Variants in PTPRR observed in about 807,000 individuals in gnomAD.
PTPRR encodes protein tyrosine phosphatase receptor type R.
PTPRR carries 38 observed loss-of-function variants against 77.2 expected under a neutral mutation model. The observed-to-expected ratio is 0.49, with a 90% CI of 0.38 to 0.65. The LOEUF (loss-of-function observed/expected upper bound fraction) is 0.65, where lower values mean the gene tolerates loss of function less well. PTPRR is among the 30% of genes least tolerant of loss of function. The pLI, the probability that PTPRR is intolerant of heterozygous loss-of-function variation, is 0.00. For synonymous variants in PTPRR, 299 were observed against 283.1 expected, an observed-to-expected ratio of 1.06 and a Z score of -0.57; for missense variants, 744 against 799.2, an observed-to-expected ratio of 0.93 and a Z score of 0.83.
At chr12:70,784,495 C>T (rs1891279096) in intron 2 of PTPRR, among the ~76,000 whole-genome samples, 1 of 152,150 alleles carries the variant, frequency 6.6e-6, no homozygotes. Flanking sequence ...CCAGAGCTCC[C>T]CCTTGTCCGG....
chr12:70,770,090 T>C (rs1187814550), intron 2 of PTPRR, among the ~76,000 whole-genome samples: 80 of 150,984 alleles, frequency 5.3e-4, no homozygotes, highest in African/African-American at 1.9e-3. Context: ...ATTCAGGACA[T>C]AGGCATGGGC....
intron 10 of PTPRR, chr12:70,673,046 AAAAG>A (rs1479748638): frequency 0.019 from 15,899 of 832,700 alleles, 273 homozygotes; most frequent in South Asian, 0.09. Flanking sequence ...AAAAAAAAAA[AAAAG>A]AAAGAAAGAA....
intron 6 of PTPRR, among the ~76,000 whole-genome samples, 198 bp from the exon 7 acceptor site, chr12:70,701,521 G>A (rs980846220): frequency 1.3e-5 from 2 of 152,116 alleles, no homozygotes; most frequent in Non-Finnish European, 2.9e-5. Flanking sequence ...TTTGTTGTTG[G>A]AAAGAACTCT....
intron 2 of PTPRR, among the ~76,000 whole-genome samples, chr12:70,783,517 TC>T (rs1400934150): frequency 3.3e-5 from 5 of 152,170 alleles, no homozygotes; most frequent in Admixed American, 1.3e-4. Flanking sequence ...CTCTCCCTCT[TC>T]ATCTCTTCAC....
chr12:70,881,620 T>C (rs748316740), intron 2 of PTPRR, among the ~76,000 whole-genome samples: 1 of 152,352 alleles, frequency 6.6e-6, no homozygotes, highest in South Asian at 2.1e-4. Flanking sequence ...TTGACTTTGC[T>C]AGACTCAAAG....
intron 4 of PTPRR, among the ~76,000 whole-genome samples, chr12:70,759,734 C>A (rs1890649709): frequency 9.9e-6 from 1 of 101,422 alleles, no homozygotes; most frequent in Non-Finnish European, 2.1e-5. Flanking sequence ...GATGAAACAA[C>A]ACATACAAAA....
At chr12:70,794,144 A>G (rs1380428459) in intron 2 of PTPRR, among the ~76,000 whole-genome samples, 2 of 152,206 alleles carry the variant, frequency 1.3e-5, no homozygotes, top group African/African-American at 2.4e-5. Context: ...CAACAGATGA[A>G]AATTCTGGAA....
At chr12:70,691,212 G>A (rs893376637) in intron 8 of PTPRR, among the ~76,000 whole-genome samples, 3 of 152,106 alleles carry the variant, frequency 2.0e-5, no homozygotes, top group African/African-American at 7.2e-5. Context: ...CCTTGCTAAG[G>A]TCACCACTGA....
At chr12:70,824,930 C>G (rs886409248) in intron 2 of PTPRR, among the ~76,000 whole-genome samples, 20 of 152,198 alleles carry the variant, frequency 1.3e-4, no homozygotes, top group African/African-American at 4.8e-4. Flanking sequence ...ATACTCCTCA[C>G]AGTAACCCTG....
chr12:70,817,018 G>A (rs542759672), intron 2 of PTPRR, among the ~76,000 whole-genome samples: 42 of 152,150 alleles, frequency 2.8e-4, no homozygotes, highest in African/African-American at 9.9e-4. Flanking sequence ...GTCTCATCCT[G>A]TCTCAGTGCT....
At chr12:70,911,473 C>T (rs1893698112) in intron 1 of PTPRR, among the ~76,000 whole-genome samples, 1 of 152,142 alleles carries the variant, frequency 6.6e-6, no homozygotes. Flanking sequence ...AGGAACTAGG[C>T]ACTTCAGATT....
chr12:70,870,431 C>A (rs746799422), intron 2 of PTPRR, among the ~76,000 whole-genome samples: 1 of 151,896 alleles, frequency 6.6e-6, no homozygotes, highest in Non-Finnish European at 1.5e-5. Flanking sequence ...TTCCCTACTG[C>A]TACTCTTTAT....
At chr12:70,663,860 C>T (rs545459011) in intron 10 of PTPRR, among the ~76,000 whole-genome samples, 9 of 152,238 alleles carry the variant, frequency 5.9e-5, no homozygotes, top group African/African-American at 1.9e-4. Flanking sequence ...ACACTTGTTT[C>T]TTCACATCTT....
intron 10 of PTPRR, among the ~76,000 whole-genome samples, chr12:70,663,812 C>A (rs1886881294): frequency 6.6e-6 from 1 of 152,170 alleles, no homozygotes; most frequent in South Asian, 2.1e-4. Flanking sequence ...GAAATTCTTT[C>A]ATTTGTTGCC....
At chr12:70,659,049 C>T (rs1311819507) in intron 12 of PTPRR, among the ~76,000 whole-genome samples, 1 of 151,724 alleles carries the variant, frequency 6.6e-6, no homozygotes, top group African/African-American at 2.4e-5. Flanking sequence ...AGTACAGGCA[C>T]ATTCCACCAC....
Position 70,662,593 on chromosome 12 carries a change from A to G in PTPRR, c.1510T>C (p.Tyr504His). Residue 504 changes from tyrosine to histidine, a missense_variant, in exon 11 of 14, where the codon TAC (tyrosine) becomes CAC (histidine). Physicochemically the swap from Tyr to His is moderately conservative, Grantham distance 83. This residue lies in a region of PTPRR where 170 missense variants were observed against 209.8 expected (regional missense o/e 0.81). Coordinates refer to ENST00000283228, the MANE Select transcript of PTPRR (RefSeq NM_002849.4). ...LKEKNEKCVL[Y>H]WPEKRGIYGK... Reference sequence around the variant, plus strand: ...TATATCCCTCTCTTTTCCGGCCAGTATAGCACACATTTCTGGAGGAAGGGA... The same window carrying G: ...TATATCCCTCTCTTTTCCGGCCAGTGTAGCACACATTTCTGGAGGAAGGGA... 6.2e-7 allele frequency: 1 copy of G among 1,603,402 alleles called. No individual in the cohort carries two copies. Among genetic ancestry groups the G allele is most frequent in the Non-Finnish European group, 8.5e-7 (1 of 1,171,822 alleles).
In PTPRR at chr12:70,886,221, A is replaced by C. The variant is rs540455882; in HGVS notation, c.357+6458T>G. On this transcript the variant is annotated intron_variant, in intron 2 of 13. Coordinates refer to ENST00000283228, the MANE Select transcript of PTPRR (RefSeq NM_002849.4). ...TGACTGTCAGGATGCCAAGCTCAAG[A>C]ACGGAATTTCTACTTCAGGACTATT... 3.3e-5 allele frequency among the ~76,000 whole-genome samples: 5 copies of C among 152,338 alleles called. No homozygotes were observed. In the South Asian group the frequency reaches 1.0e-3, roughly 32 times the overall value.
intron 13 of PTPRR, among the ~76,000 whole-genome samples, chr12:70,646,449 A>G (rs1439365941): frequency 6.6e-6 from 1 of 152,208 alleles, no homozygotes; most frequent in Non-Finnish European, 1.5e-5. Flanking sequence ...TGAGTCTAAC[A>G]TATTTTGAGT....
At chr12:70,759,553 C>G (rs564656133) in intron 4 of PTPRR, among the ~76,000 whole-genome samples, 1 of 151,404 alleles carries the variant, frequency 6.6e-6, no homozygotes. Flanking sequence ...TGGTGGCAGG[C>G]GCCTGTAGTC....
Sources: allele counts gnomAD v4.1 joint callset (sites outside exome capture counted in the v4.1 genomes callset), GRCh38; gene constraint gnomAD v4.1.1; regional missense constraint gnomAD v4.1.1; transcripts MANE v1.5; gene names NCBI Gene and HGNC (gene_info 2026-07-23, HGNC 2026-07-21).